UIMC1: variants seen among roughly 807,000 people sequenced by gnomAD.
The protein encoded by UIMC1 is BRCA1-A complex subunit RAP80.
A neutral mutation model predicts 84.9 loss-of-function variants in UIMC1; 42 were observed. That is an observed-to-expected ratio of 0.49 (90% CI 0.39 to 0.64). UIMC1 has a LOEUF of 0.64. UIMC1 is among the 30% of genes least tolerant of loss of function. UIMC1 has a pLI of 0.00. For synonymous variants in UIMC1, 281 were observed against 293.0 expected (o/e 0.96, Z 0.42); for missense variants, 825 against 847.6 (o/e 0.97, Z 0.33).
intron 10 of UIMC1, among the ~76,000 whole-genome samples, chr5:176,930,826 C>T (rs534296564): frequency 3.3e-5 from 5 of 152,340 alleles, no homozygotes; most frequent in African/African-American, 1.2e-4. Context: ...GTCACATGGA[C>T]GCTGTTCACC....
chr5:176,926,382 C>T (rs2149414992), intron 10 of UIMC1, among the ~76,000 whole-genome samples: 1 of 152,124 alleles, frequency 6.6e-6, no homozygotes, highest in East Asian at 1.9e-4. Flanking sequence ...TGGCTCAATT[C>T]CAGCACTTGG....
At chr5:177,007,034 T>TTGAAA (rs1377372069), upstream of UIMC1, among the ~76,000 whole-genome samples, 21 of 152,252 alleles carry the variant, frequency 1.4e-4, no homozygotes, top group East Asian at 4.1e-3. Context: ...GACCCAGCAA[T>TTGAAA]TTCACGTCTA....
Position 176,969,212 on chromosome 5 carries a change from C to T in UIMC1, c.543G>A (p.Glu181=), listed in dbSNP as rs781317842. The change falls in exon 6 of 15, where the codon GAG becomes GAA. Residue 181 remains glutamate (E), a synonymous_variant. Coordinates refer to ENST00000511320, the MANE Select transcript of UIMC1 (RefSeq NM_001199298.2). ...SQGNEAEERE[E]PWDHTEKTEE... ...CAGTTTTTTCAGTGTGGTCCCAAGG[C>T]TCCTCTCTTTCCTCAGCCTCGTTTC... is the stretch of plus-strand genomic sequence containing the variant. The T allele has an allele frequency of 1.1e-5, 17 of 1,614,094 alleles. No individual in the cohort carries two copies. Among genetic ancestry groups the T allele is most frequent in the African/African-American group, 1.3e-5 (1 of 74,934 alleles).
At chr5:176,930,038 G>A (rs1762897265) in intron 10 of UIMC1, among the ~76,000 whole-genome samples, 1 of 152,166 alleles carries the variant, frequency 6.6e-6, no homozygotes, top group African/African-American at 2.4e-5. Flanking sequence ...TGACAGTGGT[G>A]CATAACAGAA....
intron 10 of UIMC1, among the ~76,000 whole-genome samples, chr5:176,914,596 C>A (rs1261220107): frequency 1.3e-5 from 2 of 152,042 alleles, no homozygotes; most frequent in Non-Finnish European, 2.9e-5. Flanking sequence ...AAGAGATATG[C>A]GTAATAAAAC....
Position 176,968,810 on chromosome 5 carries a change from A to C in UIMC1, c.945T>G (p.Leu315=). The change falls in exon 6 of 15, where the codon CTT becomes CTG. Residue 315 remains leucine, a synonymous_variant. Coordinates refer to ENST00000511320, the MANE Select transcript of UIMC1 (RefSeq NM_001199298.2). ...CTGGTTCCCCAAAACCTTTTTTATT[A>C]AGGAGCTGCCTCTGAGCCATTTTCA... ...KSLKMAQRQL[L]NKKGFGEPVL... The C allele has an allele frequency of 6.2e-7, 1 of 1,614,154 alleles. No individual in the cohort carries two copies. The highest frequency in any genetic ancestry group is 1.3e-5 in the African/African-American group (1 of 75,028).
chr5:176,905,343 G>C lies in UIMC1; in HGVS notation c.2099C>G (p.Thr700Ser). The part of the protein sequence containing the change: ...DCLVDFKKQV[T>S]VQPGSRTRTK... ...CCGTGTCCGACTACCTGGCTGGACA[G>C]TAACTTGCTTTTTAAAGTCCACTAA... The change falls in exon 15 of 15, where the codon ACT becomes AGT. Residue 700 changes from threonine (T) to serine (S), a missense_variant. By Grantham distance (58) the Thr-to-Ser change is moderately conservative (BLOSUM62 1). Coordinates refer to ENST00000511320, the MANE Select transcript of UIMC1 (RefSeq NM_001199298.2). 6.2e-7 allele frequency: 1 copy of C among 1,614,128 alleles called. No individual in the cohort carries two copies. Among genetic ancestry groups the C allele is most frequent in the African/African-American group, 1.3e-5 (1 of 75,024 alleles).
intron 10 of UIMC1, among the ~76,000 whole-genome samples, chr5:176,933,914 A>G (rs533872166): frequency 3.8e-4 from 58 of 152,302 alleles, no homozygotes; most frequent in African/African-American, 1.4e-3. Context: ...TTAAGCAAGA[A>G]GCCCTCCCTT....
intron 1 of UIMC1, among the ~76,000 whole-genome samples, chr5:177,013,151 C>T (rs1775590218): frequency 6.6e-6 from 1 of 151,216 alleles, no homozygotes; most frequent in East Asian, 2.0e-4. Context: ...CTGGGTGGAT[C>T]AGCTGAGGTC....
At chr5:176,936,828 T>C (rs1191247726) in intron 10 of UIMC1, among the ~76,000 whole-genome samples, 5 of 152,206 alleles carry the variant, frequency 3.3e-5, no homozygotes, top group African/African-American at 7.2e-5. Context: ...CTATTTTATA[T>C]TGCTACCTCC....
chr5:176,939,165 G>T (rs768043429), intron 10 of UIMC1, among the ~76,000 whole-genome samples: 7 of 150,672 alleles, frequency 4.6e-5, no homozygotes, highest in Non-Finnish European at 8.8e-5. Context: ...GCTGAGGTTG[G>T]AGAATCACTG....
rs746449782 is a variant in UIMC1, at chr5:176,943,340, T to C, written c.1592A>G (p.Asp531Gly). 5 of 1,613,676 alleles carry C rather than the reference T, an allele frequency of 3.1e-6. No individual in the cohort carries two copies. Among genetic ancestry groups the C allele is most frequent in the African/African-American group, 1.3e-5 (1 of 74,882 alleles). The change falls in exon 10 of 15, where the codon GAT (aspartate) becomes GGT (glycine). Residue 531 changes from aspartate to glycine, a missense_variant. Transcript: ENST00000511320. Reference protein sequence around the residue: ...AMYCNGLMEEDTVLTRRQKEA... With the variant: ...AMYCNGLMEEGTVLTRRQKEA... ...CTGTCCTGCTGGGTCTTTACCTGTA[T>C]CTTCCTCCATCAGACCATTGCAGTA...
At chr5:176,947,831 A>T (rs1765335061) in intron 9 of UIMC1, among the ~76,000 whole-genome samples, 1 of 152,024 alleles carries the variant, frequency 6.6e-6, no homozygotes, top group East Asian at 1.9e-4. Context: ...AAAAAAAAAA[A>T]AATTATACAA....
At chr5:177,021,917 G>A (rs1775863903) in intron 1 of UIMC1, among the ~76,000 whole-genome samples, 2 of 152,144 alleles carry the variant, frequency 1.3e-5, no homozygotes, top group South Asian at 4.1e-4. Flanking sequence ...CTCCCAAAGT[G>A]CTGGGATTAC....
At chr5:176,999,825 A>T (rs759451217) in intron 1 of UIMC1, among the ~76,000 whole-genome samples, 1 of 152,152 alleles carries the variant, frequency 6.6e-6, no homozygotes, top group African/African-American at 2.4e-5. Context: ...GATTGATTCC[A>T]TATCTTGGCT....
At chr5:176,943,594 A>G in intron 9 of UIMC1, 106 bp from the exon 10 acceptor site, 1 of 1,356,814 alleles carries the variant, frequency 7.4e-7, no homozygotes, top group Non-Finnish European at 1.0e-6. Context: ...TCAAAGAGAC[A>G]ACAACAGCTT....
chr5:176,972,395 C>T (rs991714154), intron 3 of UIMC1, among the ~76,000 whole-genome samples: 6 of 148,606 alleles, frequency 4.0e-5, no homozygotes, highest in Admixed American at 6.7e-5. Flanking sequence ...AGTGAGACTC[C>T]GTCTCAAAAA....
chr5:176,980,721 A>C (rs1770905882), intron 2 of UIMC1, among the ~76,000 whole-genome samples: 1 of 151,868 alleles, frequency 6.6e-6, no homozygotes, highest in Non-Finnish European at 1.5e-5. Context: ...ATTTTTGTTA[A>C]TATTAAGATG....
intron 1 of UIMC1, among the ~76,000 whole-genome samples, chr5:176,997,040 A>G (rs1773711804): frequency 1.3e-5 from 2 of 152,272 alleles, no homozygotes; most frequent in South Asian, 4.1e-4. Context: ...GCGCACACAC[A>G]CACACACACA....
Sources: gnomAD v4.1 joint callset for allele counts (sites outside exome capture counted in the v4.1 genomes callset) on GRCh38, gnomAD v4.1.1 for gene constraint, MANE v1.5 for transcripts, NCBI Gene and HGNC (gene_info 2026-07-23, HGNC 2026-07-21) for gene names.